EPC2: variants seen among roughly 807,000 people sequenced by gnomAD.
The protein encoded by EPC2 is enhancer of polycomb 2.
In EPC2, 14 loss-of-function variants were observed where a neutral mutation model predicts 92.1. The observed-to-expected ratio is 0.15, with a 90% CI of 0.10 to 0.24. EPC2 has a LOEUF of 0.24. Ranked by LOEUF, EPC2 falls within the 10% of genes least tolerant of loss-of-function variation. The pLI is 1.00. For synonymous variants in EPC2, 340 were observed against 334.7 expected (o/e 1.02, Z -0.17); for missense variants, 755 against 971.5 (o/e 0.78, Z 2.96).
At position 148,659,786 on chromosome 2, in the gene EPC2, G is replaced by T. The variant is rs535301819; in HGVS notation, c.153+14616G>T. On this transcript the variant is annotated intron_variant, in intron 1 of 13. Transcript: ENST00000258484. ...AGTGGTATTGTGTTTAGAAACAGTG[G>T]CATAAATAAAAGTTGCCCTTTATTT... Among the ~76,000 whole-genome samples the T allele has an allele frequency of 3.9e-5, 6 of 152,180 alleles. No individual in the cohort carries two copies. The East Asian group carries it at 7.7e-4, about 20-fold the overall frequency.
chr2:148,691,854 G>A, intron 2 of EPC2: 1 of 626,822 alleles, frequency 1.6e-6, no homozygotes, highest in Non-Finnish European at 3.1e-6. Context: ...TTACACTGAG[G>A]GCATAGCCCT....
chr2:148,675,966 C>T (rs16829146), intron 1 of EPC2, among the ~76,000 whole-genome samples: 20,876 of 152,070 alleles, frequency 0.14, 2,400 homozygotes, highest in East Asian at 0.46. Flanking sequence ...GATGGAAAAG[C>T]GCCAGACAAG....
chr2:148,739,896 C>T (rs1682848376), intron 2 of EPC2, among the ~76,000 whole-genome samples: 2 of 114,992 alleles, frequency 1.7e-5, no homozygotes, highest in Admixed American at 1.3e-4. Flanking sequence ...AGGAAGTCTT[C>T]CATGTACACA....
At chr2:148,722,313 C>T (rs968599875) in intron 2 of EPC2, among the ~76,000 whole-genome samples, 3 of 152,120 alleles carry the variant, frequency 2.0e-5, no homozygotes, top group Non-Finnish European at 2.9e-5. Flanking sequence ...TATTTCTCTT[C>T]TCCTGCATGG....
chr2:148,670,202 A>G (rs888383329), intron 1 of EPC2, among the ~76,000 whole-genome samples: 2 of 151,988 alleles, frequency 1.3e-5, no homozygotes, highest in Admixed American at 6.6e-5. Context: ...GGCTTACCTC[A>G]TTTGTTTTCC....
chr2:148,684,116 T>C (rs1278840341), intron 1 of EPC2, among the ~76,000 whole-genome samples: 2 of 152,254 alleles, frequency 1.3e-5, no homozygotes, highest in South Asian at 2.1e-4. Context: ...CGATTAGTGA[T>C]GTTGAGCATT....
chr2:148,748,444 T>C (rs1224766942), intron 3 of EPC2, among the ~76,000 whole-genome samples: 3 of 152,142 alleles, frequency 2.0e-5, no homozygotes, highest in African/African-American at 7.2e-5. Context: ...GTTTGCACTT[T>C]AGTGCTGACT....
chr2:148,656,465 G>C (rs1290413790), intron 1 of EPC2, among the ~76,000 whole-genome samples: 2 of 152,106 alleles, frequency 1.3e-5, no homozygotes, highest in Non-Finnish European at 2.9e-5. Context: ...AGTAACTTGA[G>C]TCAGAAGAGC....
rs374850438 is a variant in EPC2, at chr2:148,754,012, G to A, written c.545G>A (p.Arg182His). The A allele has an allele frequency of 1.2e-4, 193 of 1,611,344 alleles. No homozygotes were observed. Among genetic ancestry groups the A allele is most frequent in the Non-Finnish European group, 1.5e-4 (174 of 1,178,794 alleles). Residue 182 changes from arginine (R) to histidine (H), a missense_variant, in exon 4 of 14, where the codon CGT becomes CAT. Transcript: ENST00000258484. ...GTATATGACTACTGGGTGAGAAAAC[G>A]TAAAAACTGCAGGGGGCCATCCCTC... ...KAVYDYWVRK[R>H]KNCRGPSLIP...
chr2:148,772,993 T>C (rs1389158074), intron 10 of EPC2, among the ~76,000 whole-genome samples: 1 of 152,192 alleles, frequency 6.6e-6, no homozygotes, highest in African/African-American at 2.4e-5. Context: ...TCTGCTGATG[T>C]ATACCACATT....
chr2:148,721,890 C>T (rs201118335), intron 2 of EPC2, among the ~76,000 whole-genome samples: 299 of 60,644 alleles, frequency 4.9e-3, no homozygotes, highest in Middle Eastern at 0.036. Context: ...GTTTTGATTT[C>T]TTTTTTTTTT....
At chr2:148,751,363 A>G (rs1683080491) in intron 3 of EPC2, among the ~76,000 whole-genome samples, 1 of 151,502 alleles carries the variant, frequency 6.6e-6, no homozygotes, top group African/African-American at 2.4e-5. Flanking sequence ...TGGTAGGATA[A>G]TTTTTTTTTA....
intron 3 of EPC2, among the ~76,000 whole-genome samples, chr2:148,745,408 G>T (rs1192906275): frequency 6.6e-6 from 1 of 152,082 alleles, no homozygotes; most frequent in Non-Finnish European, 1.5e-5. Flanking sequence ...GGTGGACAAG[G>T]CAGGTGATAG....
chr2:148,683,360 C>T (rs1000360015), intron 1 of EPC2, among the ~76,000 whole-genome samples: 2 of 151,804 alleles, frequency 1.3e-5, no homozygotes, highest in South Asian at 4.2e-4. Context: ...CTCCACCTCC[C>T]GGGTTCAAGC....
chr2:148,714,070 C>T (rs71413630), intron 2 of EPC2, among the ~76,000 whole-genome samples: 1 of 133,198 alleles, frequency 7.5e-6, no homozygotes, highest in Non-Finnish European at 1.6e-5. Flanking sequence ...CCCCCACCCT[C>T]TGACAGGCCC....
In EPC2 at chr2:148,682,437, T is replaced by A. The variant is rs1034403783; in HGVS notation, c.154-7777T>A. ...ATTCATAAGCCTTTATCTCCACTAA[T>A]TAATGAGTAGTGTTTTTGACCTGTG... On this transcript the variant is annotated intron_variant, in intron 1 of 13. Coordinates refer to ENST00000258484, the MANE Select transcript of EPC2 (RefSeq NM_015630.4). Among the ~76,000 whole-genome samples the A allele has an allele frequency of 5.1e-4, 78 of 152,236 alleles. 1 individual carries two copies. The highest frequency in any genetic ancestry group is 1.3e-4 in the Non-Finnish European group (9 of 68,050).
At chr2:148,700,452 G>A (rs1558813510) in intron 2 of EPC2, among the ~76,000 whole-genome samples, 4 of 151,872 alleles carry the variant, frequency 2.6e-5, no homozygotes, top group Middle Eastern at 3.4e-3. Flanking sequence ...GGATGTCACC[G>A]TTCTAGCACT....
intron 10 of EPC2, among the ~76,000 whole-genome samples, chr2:148,776,014 C>G (rs190271034): frequency 0.018 from 2,727 of 151,976 alleles, 73 homozygotes; most frequent in African/African-American, 0.061. Context: ...ATCTCCTGAC[C>G]TCGTGATCCG....
chr2:148,692,499 A>G (rs909968766), intron 2 of EPC2: 8 of 152,306 alleles, frequency 5.3e-5, no homozygotes, highest in Non-Finnish European at 8.8e-5. Context: ...TGGTACAGCC[A>G]TTTTCCACAG....
Sources: allele counts gnomAD v4.1 joint callset (sites outside exome capture counted in the v4.1 genomes callset), GRCh38; gene constraint gnomAD v4.1.1; transcripts MANE v1.5; gene names NCBI Gene and HGNC (gene_info 2026-07-23, HGNC 2026-07-21).